The following GALP variants were observed in gnomAD, a reference collection of about 807,000 sequenced individuals.
The protein encoded by GALP is galanin-like peptide.
In GALP, 12 loss-of-function variants were observed where a neutral mutation model predicts 15.2. That is an observed-to-expected ratio of 0.79 (90% CI 0.51 to 1.28). The LOEUF (loss-of-function observed/expected upper bound fraction) is 1.28. Ranked by LOEUF, GALP falls within the 50% of genes most tolerant of loss-of-function variation. The pLI is 0.00. For synonymous variants in GALP, 58 were observed against 55.1 expected, an observed-to-expected ratio of 1.05 and a Z score of -0.23; for missense variants, 161 against 145.6, an observed-to-expected ratio of 1.11 and a Z score of -0.55.
intron 2 of GALP, among the ~76,000 whole-genome samples, chr19:56,178,521 CAAAA>C (rs80223966): frequency 7.9e-4 from 68 of 85,772 alleles, no homozygotes; most frequent in African/African-American, 2.5e-3. Flanking sequence ...ACAACAACAA[CAAAA>C]AAAAAAAAAA....
At chr19:56,182,073 G>T in intron 3 of GALP, 99 bp from the exon 4 acceptor site, 1 of 836,312 alleles carries the variant, frequency 1.2e-6, no homozygotes, top group Non-Finnish European at 2.1e-6. Context: ...TGGTGGAGGC[G>T]CTGCGTCCGG....
Position 56,183,179 on chromosome 19 carries a change from G to A in GALP, c.262G>A (p.Val88Met), listed in dbSNP as rs770414156. 2.4e-5 allele frequency: 38 copies of A among 1,614,000 alleles called. No homozygotes were observed. The highest frequency in any genetic ancestry group is 5.5e-5 in the South Asian group (5 of 91,074). Residue 88 changes from valine to methionine, a missense_variant, in exon 5 of 6, where the codon GTG (valine) becomes ATG (methionine). Transcript: ENST00000357330. Reference sequence around the variant, plus strand: ...CCCTCCACAGCCCTCCAAGAGGAATGTGATGGAGACGTTTGCCAAACCAGA... The same window carrying A: ...CCCTCCACAGCCCTCCAAGAGGAATATGATGGAGACGTTTGCCAAACCAGA... ...SHPPQPSKRNVMETFAKPEIG... is the reference protein window; with the variant it reads ...SHPPQPSKRNMMETFAKPEIG...
intron 2 of GALP, among the ~76,000 whole-genome samples, chr19:56,178,537 A>AG (rs2032506961): frequency 6.7e-6 from 1 of 150,178 alleles, no homozygotes; most frequent in African/African-American, 2.5e-5. Flanking sequence ...AAAAAAAAAA[A>AG]AAAAAGAGAC....
Position 56,185,092 on chromosome 19 carries a change from G to T in GALP, c.296-123G>T, listed in dbSNP as rs1044266594. On this transcript the variant is annotated intron_variant, in intron 5 of 5. Transcript: ENST00000357330. The stretch of plus-strand genomic sequence containing the variant: ...GAGGTGGGCAGATCACCTGAGGTCA[G>T]GAGTTCAAGACCAGCCTGGCCAACA... 1.4e-5 allele frequency: 9 copies of T among 647,768 alleles called. No homozygotes were observed. In the East Asian group the frequency reaches 2.5e-4, roughly 18 times the overall value. The allele number at this position is 647,768 out of a possible 1,614,324, so 40.1% of individuals were successfully genotyped here. A position where few individuals can be genotyped will look rare whatever the true frequency, so the allele number is the denominator to read the frequency against.
At chr19:56,183,495 C>T (rs558989766) in intron 5 of GALP, among the ~76,000 whole-genome samples, 49 of 152,314 alleles carry the variant, frequency 3.2e-4, no homozygotes, top group African/African-American at 9.6e-4. Context: ...ATTAGGACCC[C>T]ACACCCAACC....
chr19:56,176,286 AGAGGGG>A, intron 1 of GALP, among the ~76,000 whole-genome samples: 1 of 130,318 alleles, frequency 7.7e-6, no homozygotes, highest in Non-Finnish European at 1.6e-5. Context: ...CCAGGAGGGC[AGAGGGG>A]CGGATCCCAG....
intron 2 of GALP, among the ~76,000 whole-genome samples, chr19:56,178,187 G>T (rs1399129337): frequency 6.6e-6 from 1 of 150,930 alleles, no homozygotes; most frequent in African/African-American, 2.4e-5. Context: ...AAAGAGGCCA[G>T]TCCCAGTGGC....
At chr19:56,178,088 G>C (rs1309005801) in intron 2 of GALP, among the ~76,000 whole-genome samples, 1 of 151,810 alleles carries the variant, frequency 6.6e-6, no homozygotes, top group Non-Finnish European at 1.5e-5. Flanking sequence ...TACCTTGATG[G>C]AGTCACTCCG....
intron 2 of GALP, among the ~76,000 whole-genome samples, chr19:56,178,169 A>C (rs942504829): frequency 8.2e-4 from 52 of 63,344 alleles, no homozygotes; most frequent in African/African-American, 4.7e-3. Context: ...TTCTAACAAA[A>C]AAAAAAAAAA....
chr19:56,183,008 C>A (rs112965468), intron 4 of GALP, 127 bp from the exon 5 acceptor site: 3 of 667,630 alleles, frequency 4.5e-6, no homozygotes, highest in Non-Finnish European at 8.2e-6. Flanking sequence ...TCTCCCTCCT[C>A]CCCCTGCTCC....
intron 2 of GALP, among the ~76,000 whole-genome samples, chr19:56,178,355 T>C (rs920382573): frequency 3.3e-5 from 5 of 151,498 alleles, no homozygotes; most frequent in Non-Finnish European, 5.9e-5. Flanking sequence ...CCGAGCTACT[T>C]GGGAGGCTGA....
At chr19:56,184,242 C>A (rs1001097711) in intron 5 of GALP, among the ~76,000 whole-genome samples, 13 of 152,286 alleles carry the variant, frequency 8.5e-5, no homozygotes, top group African/African-American at 2.9e-4. Flanking sequence ...AGGCATGAGC[C>A]ACCACGCCAG....
chr19:56,182,304 C>G, intron 4 of GALP, 52 bp downstream of exon 4: 1 of 1,382,802 alleles, frequency 7.2e-7, no homozygotes, highest in Non-Finnish European at 1.0e-6. Context: ...CCTGCGGGCT[C>G]TCTCCTGGCT....
intron 2 of GALP, among the ~76,000 whole-genome samples, chr19:56,177,893 G>A (rs1423439532): frequency 1.3e-5 from 2 of 152,160 alleles, no homozygotes; most frequent in Non-Finnish European, 2.9e-5. Flanking sequence ...AAATAATTAA[G>A]AGATGTTGGT....
chr19:56,184,159 T>C (rs1054779427), intron 5 of GALP, among the ~76,000 whole-genome samples: 9 of 152,038 alleles, frequency 5.9e-5, no homozygotes. Flanking sequence ...TTTTGCCATG[T>C]TAGCCAGGCT....
intron 4 of GALP, 122 bp from the exon 5 acceptor site, chr19:56,183,012 CT>C (rs2032592939): frequency 2.9e-6 from 2 of 688,826 alleles, no homozygotes; most frequent in Admixed American, 4.4e-5. Flanking sequence ...CCTCCTCCCC[CT>C]GCTCCACCCT....
In GALP at chr19:56,184,484, CTTTTTTTT is replaced by C. The variant is rs11414322; in HGVS notation, c.296-721_296-714del. ...CAATCCTTTTTTTTCTTTTCTTTTTCTTTTTTTTTTTTTTTTTGAGACGGAGTCTCGCT... is the reference window on the plus strand; with the variant it reads ...CAATCCTTTTTTTTCTTTTCTTTTTCTTTTTTTTTGAGACGGAGTCTCGCT... On this transcript the variant is annotated intron_variant, in intron 5 of 5. Transcript: ENST00000357330. 2.5e-5 allele frequency among the ~76,000 whole-genome samples: 3 copies of C among 117,666 alleles called. No individual in the cohort carries two copies. The Admixed American group carries it at 3.0e-4, about 12-fold the overall frequency. The allele number at this position is 117,666 out of a possible 152,430, so 77.2% of individuals were successfully genotyped here.
chr19:56,176,926 C>T, intron 1 of GALP, 144 bp from the exon 2 acceptor site: 2 of 551,560 alleles, frequency 3.6e-6, no homozygotes, highest in Non-Finnish European at 6.3e-6. Context: ...CACGTCCAAA[C>T]TCCTCAAGAT....
chr19:56,176,832 G>A (rs2032470369), intron 1 of GALP, among the ~76,000 whole-genome samples: 1 of 133,488 alleles, frequency 7.5e-6, no homozygotes, highest in South Asian at 2.1e-4. Context: ...GAGTGGTGGA[G>A]GCAGTGGGGC....
Sources: allele counts gnomAD v4.1 joint callset (sites outside exome capture counted in the v4.1 genomes callset), GRCh38; gene constraint gnomAD v4.1.1; transcripts MANE v1.5; gene names NCBI Gene and HGNC (gene_info 2026-07-23, HGNC 2026-07-21).